The following PRICKLE1 variants were observed in gnomAD, a reference collection of about 807,000 sequenced individuals.
PRICKLE1 encodes prickle planar cell polarity protein 1.
PRICKLE1 carries 14 observed loss-of-function variants against 70.2 expected under a neutral mutation model. The observed-to-expected ratio is 0.20, with a 90% CI of 0.13 to 0.31. The LOEUF is 0.31. Among genes scored for constraint, PRICKLE1 ranks in the 10% least tolerant of loss-of-function variants. PRICKLE1 has a pLI of 1.00. For missense variants in PRICKLE1, 821 were observed against 1,026.2 expected, an observed-to-expected ratio of 0.80 and a Z score of 2.73; for synonymous variants, 357 against 379.9, an observed-to-expected ratio of 0.94 and a Z score of 0.70.
intron 1 of PRICKLE1, among the ~76,000 whole-genome samples, chr12:42,529,536 TAC>T (rs753199846): frequency 4.6e-5 from 7 of 152,244 alleles, no homozygotes; most frequent in Non-Finnish European, 8.8e-5. Context: ...ATGTGATTCT[TAC>T]AGACAATCCT....
intron 1 of PRICKLE1, among the ~76,000 whole-genome samples, chr12:42,562,376 T>C (rs1940531707): frequency 6.6e-6 from 1 of 152,156 alleles, no homozygotes; most frequent in Non-Finnish European, 1.5e-5. Context: ...AATTCGAGGA[T>C]GTAAAAATAT....
chr12:42,501,555 C>T (rs1246124634), intron 1 of PRICKLE1, among the ~76,000 whole-genome samples: 1 of 148,166 alleles, frequency 6.7e-6, no homozygotes, highest in Non-Finnish European at 1.5e-5. Context: ...AGAGCAAATT[C>T]CTATACAAGC....
At chr12:42,490,734 A>G (rs531701201) in intron 1 of PRICKLE1, among the ~76,000 whole-genome samples, 1 of 152,240 alleles carries the variant, frequency 6.6e-6, no homozygotes, top group Non-Finnish European at 1.5e-5. Flanking sequence ...ATGAGTCAGT[A>G]TATCCATGGT....
chr12:42,497,028 T>C (rs1326149772), intron 1 of PRICKLE1, among the ~76,000 whole-genome samples: 1 of 152,232 alleles, frequency 6.6e-6, no homozygotes, highest in African/African-American at 2.4e-5. Context: ...GCTTTTGGCC[T>C]CTCTCAGCTT....
intron 1 of PRICKLE1, among the ~76,000 whole-genome samples, chr12:42,528,440 A>G (rs1309697383): frequency 6.6e-6 from 1 of 152,206 alleles, no homozygotes; most frequent in Admixed American, 6.5e-5. Flanking sequence ...AATCGTGTTT[A>G]AGGAGAGCTC....
intron 1 of PRICKLE1, among the ~76,000 whole-genome samples, chr12:42,549,090 G>T (rs1190229784): frequency 7.5e-6 from 1 of 132,938 alleles, no homozygotes; most frequent in African/African-American, 2.9e-5. Context: ...CTGCACTCCA[G>T]CTTGGGCAAC....
intron 1 of PRICKLE1, among the ~76,000 whole-genome samples, chr12:42,515,243 T>C (rs1250950579): frequency 6.7e-6 from 1 of 148,704 alleles, no homozygotes; most frequent in Non-Finnish European, 1.5e-5. Context: ...ATTATCTATT[T>C]TTTTTTTTTT....
intron 1 of PRICKLE1, among the ~76,000 whole-genome samples, chr12:42,576,433 C>T (rs1353136846): frequency 6.6e-6 from 1 of 152,160 alleles, no homozygotes; most frequent in Non-Finnish European, 1.5e-5. Flanking sequence ...GGGGCATATT[C>T]GACTTTATTT....
At chr12:42,516,424 G>A (rs1939613688) in intron 1 of PRICKLE1, among the ~76,000 whole-genome samples, 1 of 152,134 alleles carries the variant, frequency 6.6e-6, no homozygotes, top group Admixed American at 6.5e-5. Flanking sequence ...GAGCCACCGT[G>A]CCTGGCTTCT....
intron 1 of PRICKLE1, among the ~76,000 whole-genome samples, chr12:42,515,299 G>A (rs1308527206): frequency 2.0e-5 from 3 of 150,084 alleles, no homozygotes; most frequent in Non-Finnish European, 4.4e-5. Flanking sequence ...GAGTGCAATG[G>A]TGCCATCCTG....
chr12:42,528,792 T>A (rs1487025516), intron 1 of PRICKLE1, among the ~76,000 whole-genome samples: 1 of 152,096 alleles, frequency 6.6e-6, no homozygotes, highest in African/African-American at 2.4e-5. Flanking sequence ...TAAAGAAAAA[T>A]AATCACATAT....
At position 42,586,138 on chromosome 12, in the gene PRICKLE1, A is replaced by G. The variant is rs550342938; in HGVS notation, c.-49+3327T>C. Reference sequence around the variant, plus strand: ...TGGTCCCTTAAAACACCAATCGACCAACCAAGCAACCCAGAAACACAATCC... The same window carrying G: ...TGGTCCCTTAAAACACCAATCGACCGACCAAGCAACCCAGAAACACAATCC... On this transcript the variant is annotated intron_variant, in intron 1 of 7. Coordinates refer to ENST00000345127, the MANE Select transcript of PRICKLE1 (RefSeq NM_153026.3). Among the ~76,000 whole-genome samples, 5 of 152,346 alleles carry G rather than the reference A, an allele frequency of 3.3e-5. No individual in the cohort carries two copies. In the South Asian group the frequency reaches 1.0e-3, roughly 32 times the overall value.
chr12:42,506,494 T>G (rs1939418813), intron 1 of PRICKLE1, among the ~76,000 whole-genome samples: 1 of 150,044 alleles, frequency 6.7e-6, no homozygotes, highest in Non-Finnish European at 1.5e-5. Context: ...TGACCCCAGG[T>G]GACCCACCCA....
chr12:42,533,002 A>C (rs1371251723), intron 1 of PRICKLE1, among the ~76,000 whole-genome samples: 1 of 152,158 alleles, frequency 6.6e-6, no homozygotes, highest in Non-Finnish European at 1.5e-5. Context: ...CCATGTTGCT[A>C]GTGGTTACAG....
intron 1 of PRICKLE1, among the ~76,000 whole-genome samples, chr12:42,519,201 T>C (rs1246050162): frequency 1.4e-5 from 2 of 140,618 alleles, no homozygotes; most frequent in Non-Finnish European, 3.1e-5. Flanking sequence ...TCCTTTTTTT[T>C]TTTTTTTTTT....
At chr12:42,498,980 A>G (rs534679444) in intron 1 of PRICKLE1, among the ~76,000 whole-genome samples, 2 of 152,352 alleles carry the variant, frequency 1.3e-5, no homozygotes, top group Non-Finnish European at 2.9e-5. Flanking sequence ...AACTAACAGC[A>G]TGAGAACTCA....
chr12:42,531,156 C>T (rs1191459756), intron 1 of PRICKLE1, among the ~76,000 whole-genome samples: 1 of 146,764 alleles, frequency 6.8e-6, no homozygotes, highest in Non-Finnish European at 1.5e-5. Flanking sequence ...ACGCCATTCT[C>T]CTGCCTCAGC....
chr12:42,550,266 G>A (rs563339363), intron 1 of PRICKLE1: 4 of 152,560 alleles, frequency 2.6e-5, no homozygotes, highest in Admixed American at 2.0e-4. Flanking sequence ...CCAGGAGGTC[G>A]AGGCTGCAGT....
At chr12:42,564,062 T>C (rs1433726035) in intron 1 of PRICKLE1, among the ~76,000 whole-genome samples, 1 of 151,190 alleles carries the variant, frequency 6.6e-6, no homozygotes, top group African/African-American at 2.4e-5. Context: ...ATTGAGAACA[T>C]CCTGGCCAAC....
Sources: gnomAD v4.1 joint callset for allele counts (sites outside exome capture counted in the v4.1 genomes callset) on GRCh38, gnomAD v4.1.1 for gene constraint, MANE v1.5 for transcripts, NCBI Gene and HGNC (gene_info 2026-07-23, HGNC 2026-07-21) for gene names.